ORC1: variants seen among roughly 807,000 people sequenced by gnomAD.
ORC1 encodes the protein origin recognition complex, subunit 1 homolog.
A neutral mutation model predicts 98.9 loss-of-function variants in ORC1; 61 were observed. That is an observed-to-expected ratio of 0.62 (90% confidence interval 0.50 to 0.76). ORC1 has a LOEUF of 0.76. ORC1 is among the 30% of genes least tolerant of loss of function. The pLI is 0.00. For synonymous variants in ORC1, 385 were observed against 406.9 expected, an observed-to-expected ratio of 0.95 and a Z score of 0.65; for missense variants, 979 against 1,072.2, an observed-to-expected ratio of 0.91 and a Z score of 1.21.
At position 52,397,855 on chromosome 1, in the gene ORC1, G is replaced by C. The variant is rs368625910; in HGVS notation, c.232C>G (p.Pro78Ala). ...LLELFEDDSD[P>A]PPKKRARVQW... Reference sequence around the variant, plus strand: ...ACTCGAGCACGTTTCTTAGGAGGAGGATCAGAGTCTAGAAAGAATTTGGTG... The same window carrying C: ...ACTCGAGCACGTTTCTTAGGAGGAGCATCAGAGTCTAGAAAGAATTTGGTG... Residue 78 changes from proline to alanine, a missense_variant, in exon 4 of 17, where the codon CCT (proline) becomes GCT (alanine). Pro to Ala is a conservative substitution (Grantham distance 27). Coordinates refer to ENST00000371568, the MANE Select transcript of ORC1 (RefSeq NM_004153.4). 77 of 1,614,042 alleles carry C rather than the reference G, an allele frequency of 4.8e-5. No homozygotes were observed. Among genetic ancestry groups the C allele is most frequent in the Non-Finnish European group, 6.2e-5 (73 of 1,179,998 alleles).
At chr1:52,404,930 C>G (rs370134368), upstream of ORC1, 4 of 1,599,138 alleles carry the variant, frequency 2.5e-6, no homozygotes, top group Non-Finnish European at 3.4e-6. Context: ...GCCCATTTCT[C>G]CTGACCGAGC....
intron 14 of ORC1, among the ~76,000 whole-genome samples, chr1:52,378,925 C>T (rs1245762117): frequency 2.0e-5 from 3 of 151,384 alleles, no homozygotes; most frequent in Admixed American, 1.3e-4. Flanking sequence ...CCCAGCTACT[C>T]GGGAGGCTGA....
intron 5 of ORC1, among the ~76,000 whole-genome samples, 173 bp downstream of exon 5, chr1:52,395,873 T>C (rs1647369523): frequency 6.6e-6 from 1 of 152,170 alleles, no homozygotes; most frequent in Non-Finnish European, 1.5e-5. Context: ...TGTACCCTTG[T>C]AGTCCCAGCT....
chr1:52,400,727 C>A (rs539905172), intron 3 of ORC1, among the ~76,000 whole-genome samples: 3 of 152,346 alleles, frequency 2.0e-5, no homozygotes, highest in African/African-American at 4.8e-5. Flanking sequence ...AGCAAATCAG[C>A]TAAGGCTTTC....
At chr1:52,407,982 G>T (rs1391066338), upstream of ORC1, among the ~76,000 whole-genome samples, 1 of 152,288 alleles carries the variant, frequency 6.6e-6, no homozygotes. Flanking sequence ...CTTGAACCCA[G>T]GAGGTGGAGG....
At chr1:52,406,962 C>A (rs1648013461), upstream of ORC1, among the ~76,000 whole-genome samples, 1 of 152,172 alleles carries the variant, frequency 6.6e-6, no homozygotes, top group African/African-American at 2.4e-5. Flanking sequence ...TCAAAAGCCT[C>A]CTAGTTACCC....
At chr1:52,384,244 A>G (rs1647111861) in intron 11 of ORC1, among the ~76,000 whole-genome samples, 1 of 152,214 alleles carries the variant, frequency 6.6e-6, no homozygotes, top group South Asian at 2.1e-4. Flanking sequence ...ATGGACAAAG[A>G]GCAAGGCTTA....
At chr1:52,387,289 T>C (rs1295514935) in intron 8 of ORC1, among the ~76,000 whole-genome samples, 1 of 152,068 alleles carries the variant, frequency 6.6e-6, no homozygotes, top group Non-Finnish European at 1.5e-5. Context: ...GGGATCTAGG[T>C]TGCACACTCC....
intron 3 of ORC1, among the ~76,000 whole-genome samples, chr1:52,399,039 T>C (rs1460594451): frequency 3.3e-5 from 5 of 152,190 alleles, no homozygotes; most frequent in African/African-American, 1.2e-4. Flanking sequence ...CCCGCTCTTC[T>C]GGGATTGCTC....
At chr1:52,389,818 C>A (rs957270286) in intron 6 of ORC1, among the ~76,000 whole-genome samples, 1 of 152,104 alleles carries the variant, frequency 6.6e-6, no homozygotes, top group Non-Finnish European at 1.5e-5. Flanking sequence ...TTCTAAATGT[C>A]TTATCTTTTT....
chr1:52,395,723 G>C (rs1313970010), intron 5 of ORC1, among the ~76,000 whole-genome samples: 1 of 152,216 alleles, frequency 6.6e-6, no homozygotes, highest in East Asian at 1.9e-4. Flanking sequence ...GACTGAGGAA[G>C]GAGGATCATT....
chr1:52,391,361 T>C (rs1399891702), intron 6 of ORC1, among the ~76,000 whole-genome samples: 1 of 149,876 alleles, frequency 6.7e-6, no homozygotes, highest in African/African-American at 2.5e-5. Context: ...AAAAGTCTTC[T>C]AGACATTGTT....
upstream of ORC1, chr1:52,405,970 C>A (rs895671365): frequency 1.4e-6 from 1 of 737,524 alleles, no homozygotes; most frequent in Non-Finnish European, 2.2e-6. Flanking sequence ...TGCTTTTGAG[C>A]CCTTGAGTTT....
In ORC1 at chr1:52,401,348, A is replaced by T. The variant is rs778871738; in HGVS notation, c.223+14T>A. Reference sequence around the variant, plus strand: ...ATGACAAGGAATGGTTTATTATTCCAGTCCCAAACTCACCATCTTCGAACA... The same window carrying T: ...ATGACAAGGAATGGTTTATTATTCCTGTCCCAAACTCACCATCTTCGAACA... On this transcript the variant is annotated intron_variant, in intron 3 of 16. Coordinates refer to ENST00000371568, the MANE Select transcript of ORC1 (RefSeq NM_004153.4). 2 of 1,613,990 alleles carry T rather than the reference A, an allele frequency of 1.2e-6. No individual in the cohort carries two copies. Among genetic ancestry groups the T allele is most frequent in the South Asian group, 2.2e-5 (2 of 91,082 alleles).
intron 4 of ORC1, among the ~76,000 whole-genome samples, chr1:52,397,438 T>C (rs1647456110): frequency 6.6e-6 from 1 of 152,230 alleles, no homozygotes; most frequent in South Asian, 2.1e-4. Context: ...GAGATACATC[T>C]GCTAATTCCT....
chr1:52,389,469 T>C (rs1179921136), intron 6 of ORC1, 148 bp from the exon 7 acceptor site: 8 of 676,486 alleles, frequency 1.2e-5, no homozygotes, highest in Non-Finnish European at 1.8e-5. Flanking sequence ...TGCTAAAAAG[T>C]TGGCAAAAAA....
chr1:52,384,516 G>A (rs1375693288), intron 11 of ORC1, 34 bp downstream of exon 11: 2 of 1,599,958 alleles, frequency 1.3e-6, no homozygotes, highest in South Asian at 2.2e-5. Flanking sequence ...CGAAGAAACA[G>A]CATTTTCCAA....
At chr1:52,379,028 G>A (rs1448786849) in intron 14 of ORC1, among the ~76,000 whole-genome samples, 2 of 150,848 alleles carry the variant, frequency 1.3e-5, no homozygotes, top group Non-Finnish European at 2.9e-5. Flanking sequence ...GCGAGACTCC[G>A]TCTCAAAAAA....
chr1:52,379,534 C>T (rs1435886163), intron 14 of ORC1, among the ~76,000 whole-genome samples: 2 of 151,958 alleles, frequency 1.3e-5, no homozygotes, highest in African/African-American at 4.8e-5. Context: ...TGAGCCACCG[C>T]ACCCAGCCAA....
Sources: gnomAD v4.1 joint callset for allele counts (sites outside exome capture counted in the v4.1 genomes callset) on GRCh38, gnomAD v4.1.1 for gene constraint, MANE v1.5 for transcripts, NCBI Gene and HGNC (gene_info 2026-07-23, HGNC 2026-07-21) for gene names.